DCAF12: variants seen among roughly 807,000 people sequenced by gnomAD.
The protein encoded by DCAF12 is DDB1- and CUL4-associated factor 12.
DCAF12 carries 28 observed loss-of-function variants against 52.8 expected under a neutral mutation model. The observed-to-expected ratio is 0.53, with a 90% confidence interval of 0.39 to 0.73. The LOEUF is 0.73. Among genes scored for constraint, DCAF12 ranks in the 30% least tolerant of loss-of-function variants. The pLI is 0.00. For synonymous variants in DCAF12, 196 were observed against 215.5 expected (o/e 0.91, Z 0.79); for missense variants, 425 against 552.2 (o/e 0.77, Z 2.31).
In DCAF12 at chr9:34,122,352, A is replaced by G. The variant is rs1829187909; in HGVS notation, c.333+2671T>C. Among the ~76,000 whole-genome samples, 3 of 152,346 alleles carry G rather than the reference A, an allele frequency of 2.0e-5. No homozygotes were observed. In the South Asian group the frequency reaches 6.2e-4, roughly 32 times the overall value. ...TACATAAATGACTGCCAAATCATTA[A>G]CTTCAATCCTTACTCTCTGCCAAGC... On this transcript the variant is annotated intron_variant, in intron 2 of 8. Coordinates refer to ENST00000361264, the MANE Select transcript of DCAF12 (RefSeq NM_015397.4).
intron 4 of DCAF12, among the ~76,000 whole-genome samples, chr9:34,102,630 A>G (rs1317094861): frequency 2.0e-5 from 3 of 150,948 alleles, no homozygotes; most frequent in South Asian, 4.2e-4. Flanking sequence ...TCCAGCCTGG[A>G]TGACAGAGAC....
chr9:34,116,744 G>T (rs1245106159), intron 2 of DCAF12, among the ~76,000 whole-genome samples: 3 of 152,178 alleles, frequency 2.0e-5, no homozygotes, highest in African/African-American at 4.8e-5. Flanking sequence ...CACTTGGGAG[G>T]CTGAGGGGGG....
At chr9:34,126,265 A>G (rs1005625909) in intron 1 of DCAF12, 89 bp downstream of exon 1, 1 of 1,508,532 alleles carries the variant, frequency 6.6e-7, no homozygotes, top group South Asian at 1.2e-5. Context: ...CAGACCCTGG[A>G]CCCCGATTCC....
At chr9:34,121,318 C>T (rs1179853294) in intron 2 of DCAF12, among the ~76,000 whole-genome samples, 4 of 152,138 alleles carry the variant, frequency 2.6e-5, no homozygotes, top group African/African-American at 7.2e-5. Context: ...AGAATTTGCC[C>T]GTCGTGACAG....
At chr9:34,096,827 T>C (rs749193353) in intron 5 of DCAF12, 46 bp from the exon 6 acceptor site, 1 of 1,539,324 alleles carries the variant, frequency 6.5e-7, no homozygotes, top group Non-Finnish European at 9.0e-7. Flanking sequence ...CTATAGCAAC[T>C]AATGTACGAT....
intron 8 of DCAF12, 73 bp downstream of exon 8, chr9:34,089,338 TG>T: frequency 3.4e-6 from 5 of 1,450,410 alleles, no homozygotes; most frequent in Non-Finnish European, 4.7e-6. Flanking sequence ...GGTGTGTCAG[TG>T]GGGGCTGAGA....
rs889118203 is a variant in DCAF12 at position 34,106,478 on chromosome 9, C to T, written c.557G>A (p.Trp186Ter). ...VCVGDDGHKD[W>*]IFSIAWISDT... ...GCTGATCCATGCGATGGAAAAGATC[C>T]AGTCCTTGTGTCCATCCTTGGAGAG... Residue 186 changes from tryptophan (W) to a stop codon, truncating the protein, a stop_gained, in exon 4 of 9, where the codon TGG becomes TAG. Transcript: ENST00000361264. LOFTEE classifies it high-confidence loss of function. 2 of 1,610,968 alleles carry T rather than the reference C, an allele frequency of 1.2e-6. No individual in the cohort carries two copies. Among genetic ancestry groups the T allele is most frequent in the Non-Finnish European group, 8.5e-7 (1 of 1,178,244 alleles).
rs761658919 is a variant in DCAF12 at position 34,106,530 on chromosome 9, A to G, written c.541-36T>C. 2.6e-6 allele frequency: 4 copies of G among 1,534,856 alleles called. No homozygotes were observed. The South Asian group carries it at 4.6e-5, about 17-fold the overall frequency. On this transcript the variant is annotated intron_variant, in intron 3 of 8. Coordinates refer to ENST00000361264, the MANE Select transcript of DCAF12 (RefSeq NM_015397.4). ...AGGGAGTAACAGGTACAGGGAGGAAAATAAGAAATTAGTAAAATAAGGATT... is the reference window on the plus strand; with the variant it reads ...AGGGAGTAACAGGTACAGGGAGGAAGATAAGAAATTAGTAAAATAAGGATT...
intron 7 of DCAF12, 118 bp from the exon 8 acceptor site, chr9:34,089,708 C>A: frequency 1.0e-6 from 1 of 962,170 alleles, no homozygotes; most frequent in Non-Finnish European, 1.5e-6. Context: ...CTCCACCCGC[C>A]CCACAAAGTA....
Position 34,126,421 on chromosome 9 carries a change from T to C in DCAF12, c.11A>G (p.Lys4Arg). 2 of 1,608,040 alleles carry C rather than the reference T, an allele frequency of 1.2e-6. No individual in the cohort carries two copies. Among genetic ancestry groups the C allele is most frequent in the Non-Finnish European group, 1.7e-6 (2 of 1,179,640 alleles). Residue 4 changes from lysine (K) to arginine (R), a missense_variant, in exon 1 of 9, where the codon AAA becomes AGA. By Grantham distance (26) the Lys-to-Arg change is conservative. This residue lies in a region of DCAF12 where 89 missense variants were observed against 84.9 expected (regional missense o/e 1.05). Transcript: ENST00000361264. ...CGCTTTCCGCTTCCTGCTAACTACT[T>C]TCCGGGCCATAGTGGGCAGCGCCGC... MAR[K>R]VVSRKRKAPA...
chr9:34,107,717 C>T lies in DCAF12; in HGVS notation c.334-152G>A, dbSNP rs532050443. On this transcript the variant is annotated intron_variant, in intron 2 of 8. Transcript: ENST00000361264. ...ATTATTAAAGGCATGGTCAGGACTA[C>T]TAATGACATGAAACATGAAATAAGT... is the stretch of plus-strand genomic sequence containing the variant. The T allele has an allele frequency of 1.8e-4, 117 of 655,530 alleles. No homozygotes were observed. In the East Asian group the frequency reaches 2.7e-3, roughly 15 times the overall value. 40.6% of individuals were successfully genotyped at this position (655,530 alleles called of 1,614,324 possible). A position where few individuals can be genotyped will look rare whatever the true frequency, so the allele number is the denominator to read the frequency against.
intron 4 of DCAF12, among the ~76,000 whole-genome samples, chr9:34,099,070 T>C (rs1828785775): frequency 7.4e-6 from 1 of 134,688 alleles, no homozygotes; most frequent in African/African-American, 2.7e-5. Context: ...ACACCTGGTC[T>C]GCTTTTTTTT....
chr9:34,115,824 C>T (rs945106912), intron 2 of DCAF12, among the ~76,000 whole-genome samples: 1 of 152,078 alleles, frequency 6.6e-6, no homozygotes, highest in Admixed American at 6.6e-5. Flanking sequence ...GCAATCCTCC[C>T]GCCTTAGTCT....
At chr9:34,106,890 C>T (rs1281873437) in intron 3 of DCAF12, among the ~76,000 whole-genome samples, 1 of 152,190 alleles carries the variant, frequency 6.6e-6, no homozygotes, top group Non-Finnish European at 1.5e-5. Flanking sequence ...CTCCACCTTA[C>T]TCTCAGTCCC....
At chr9:34,123,925 C>G (rs1037498946) in intron 2 of DCAF12, among the ~76,000 whole-genome samples, 1 of 152,046 alleles carries the variant, frequency 6.6e-6, no homozygotes, top group Non-Finnish European at 1.5e-5. Context: ...CTGGGTAAGA[C>G]AAGCGACTCC....
chr9:34,109,799 C>A, intron 2 of DCAF12: 2 of 346,732 alleles, frequency 5.8e-6, no homozygotes, highest in Non-Finnish European at 1.2e-5. Flanking sequence ...TGGCTCAGGA[C>A]ACCATAGGTG....
chr9:34,098,777 AT>A (rs974923863), intron 4 of DCAF12, among the ~76,000 whole-genome samples: 4 of 151,362 alleles, frequency 2.6e-5, no homozygotes, highest in Admixed American at 1.3e-4. Context: ...TATTATTATT[AT>A]TTTTTTTTGA....
intron 2 of DCAF12, among the ~76,000 whole-genome samples, chr9:34,122,098 T>C (rs1238494597): frequency 6.6e-6 from 1 of 152,206 alleles, no homozygotes; most frequent in Non-Finnish European, 1.5e-5. Context: ...TTAGCTTATC[T>C]GTCAGTATCA....
Position 34,088,417 on chromosome 9 carries a change from T to G in DCAF12, c.1295A>C (p.Lys432Thr). The change falls in exon 9 of 9, where the codon AAA becomes ACA. Residue 432 changes from lysine to threonine, a missense_variant. Lys to Thr is a moderately conservative substitution (Grantham distance 78). Coordinates refer to ENST00000361264, the MANE Select transcript of DCAF12 (RefSeq NM_015397.4). Reference protein sequence around the residue: ...YTHCYDSSGTKLFVAGGPLPS... With the variant: ...YTHCYDSSGTTLFVAGGPLPS... ...GAGGGGACCTCCTGCCACAAAGAGT[T>G]TCGTTCCAGACGAGTCGTAGCAGTG... 6.2e-7 allele frequency: 1 copy of G among 1,613,976 alleles called. No homozygotes were observed. The highest frequency in any genetic ancestry group is 1.1e-5 in the South Asian group (1 of 91,062).
Sources: gnomAD v4.1 joint callset for allele counts (sites outside exome capture counted in the v4.1 genomes callset) on GRCh38, gnomAD v4.1.1 for gene constraint, gnomAD v4.1.1 regional missense constraint, MANE v1.5 for transcripts, NCBI Gene and HGNC (gene_info 2026-07-23, HGNC 2026-07-21) for gene names.